ARHGAP10: variants seen among roughly 807,000 people sequenced by gnomAD.
ARHGAP10 encodes the protein rho GTPase-activating protein 10.
A neutral mutation model predicts 108.6 loss-of-function variants in ARHGAP10; 87 were observed. That is an observed-to-expected ratio of 0.80 (90% CI 0.67 to 0.96). ARHGAP10 has a LOEUF of 0.96. Among genes scored for constraint, ARHGAP10 ranks in the 40% least tolerant of loss-of-function variants. The pLI is 0.00. For synonymous variants in ARHGAP10, 347 were observed against 341.1 expected, an observed-to-expected ratio of 1.02 and a Z score of -0.19; for missense variants, 939 against 954.5, an observed-to-expected ratio of 0.98 and a Z score of 0.21.
At chr4:148,048,958 A>ATT (rs111872757) in intron 20 of ARHGAP10, among the ~76,000 whole-genome samples, 14 of 140,676 alleles carry the variant, frequency 1.0e-4, no homozygotes, top group African/African-American at 3.7e-4. Flanking sequence ...TGGAAAGGAG[A>ATT]TTTTTTTTTT....
chr4:148,023,059 A>G (rs537674894), intron 18 of ARHGAP10: 4 of 496,334 alleles, frequency 8.1e-6, no homozygotes, highest in Non-Finnish European at 1.1e-5. Flanking sequence ...TTTGATTTAA[A>G]TTTAATCAGA....
At chr4:147,945,526 T>C (rs528650291) in intron 14 of ARHGAP10, among the ~76,000 whole-genome samples, 1 of 152,344 alleles carries the variant, frequency 6.6e-6, no homozygotes, top group Admixed American at 6.5e-5. Context: ...GACTATATTA[T>C]AGTGTTAATG....
At chr4:147,775,685 A>G (rs1027475656) in intron 1 of ARHGAP10, among the ~76,000 whole-genome samples, 3 of 152,148 alleles carry the variant, frequency 2.0e-5, no homozygotes, top group South Asian at 2.1e-4. Context: ...CACTCAGCCT[A>G]TTAGTACAAA....
intron 13 of ARHGAP10, among the ~76,000 whole-genome samples, chr4:147,934,633 T>G (rs1395051089): frequency 1.3e-5 from 2 of 152,092 alleles, no homozygotes; most frequent in Non-Finnish European, 2.9e-5. Flanking sequence ...CACCAGGAGT[T>G]TGAGACCAGC....
chr4:147,741,822 A>G (rs1728685257), intron 1 of ARHGAP10, among the ~76,000 whole-genome samples: 1 of 147,106 alleles, frequency 6.8e-6, no homozygotes. Context: ...ACACACACAC[A>G]CACACACCAG....
At chr4:147,965,991 G>C (rs1739188382) in intron 17 of ARHGAP10, among the ~76,000 whole-genome samples, 1 of 152,220 alleles carries the variant, frequency 6.6e-6, no homozygotes, top group Non-Finnish European at 1.5e-5. Flanking sequence ...TGGTATCTTT[G>C]AATTGAGACC....
chr4:147,824,887 T>C (rs1579086453), intron 3 of ARHGAP10, among the ~76,000 whole-genome samples: 1 of 152,200 alleles, frequency 6.6e-6, no homozygotes, highest in South Asian at 2.1e-4. Flanking sequence ...TACCTAATGC[T>C]AAGTCACTGA....
intron 18 of ARHGAP10, among the ~76,000 whole-genome samples, chr4:148,019,775 AACAAAAC>A (rs1264378324): frequency 2.0e-5 from 3 of 151,936 alleles, no homozygotes; most frequent in African/African-American, 7.2e-5. Flanking sequence ...AAAAAAAAAA[AACAAAAC>A]AAAAAACAAA....
intron 3 of ARHGAP10, among the ~76,000 whole-genome samples, chr4:147,827,937 C>T (rs570881609): frequency 3.3e-5 from 5 of 152,164 alleles, no homozygotes; most frequent in Admixed American, 6.5e-5. Context: ...TCCTGAGTAG[C>T]GGGGACTACA....
chr4:147,799,319 C>T (rs1731481698), intron 1 of ARHGAP10, among the ~76,000 whole-genome samples: 1 of 152,216 alleles, frequency 6.6e-6, no homozygotes, highest in East Asian at 1.9e-4. Context: ...GATGGCCTCT[C>T]TTTGTTTATT....
chr4:148,070,937 C>T (rs945759806), intron 22 of ARHGAP10, among the ~76,000 whole-genome samples: 3 of 152,092 alleles, frequency 2.0e-5, no homozygotes, highest in Non-Finnish European at 4.4e-5. Flanking sequence ...TGGACCTGTG[C>T]CCTTTGCTGT....
chr4:147,752,027 A>G (rs1272771011), intron 1 of ARHGAP10, among the ~76,000 whole-genome samples: 2 of 151,796 alleles, frequency 1.3e-5, no homozygotes, highest in Non-Finnish European at 2.9e-5. Flanking sequence ...CTAGGACTAT[A>G]GGCGTGCGCC....
At chr4:147,916,382 TAAGC>T (rs1333899138) in intron 13 of ARHGAP10, 1 of 152,256 alleles carries the variant, frequency 6.6e-6, no homozygotes, top group East Asian at 1.9e-4. Context: ...GCATTTTTCT[TAAGC>T]TATCTATTCA....
chr4:147,846,966 T>A (rs1169296762), intron 3 of ARHGAP10, among the ~76,000 whole-genome samples, 185 bp from the exon 4 acceptor site: 1 of 152,190 alleles, frequency 6.6e-6, no homozygotes, highest in African/African-American at 2.4e-5. Flanking sequence ...CTGAAAATAT[T>A]TATGGAGTTC....
intron 22 of ARHGAP10, among the ~76,000 whole-genome samples, chr4:148,071,640 A>AAC (rs1474980726): frequency 5.7e-5 from 8 of 141,508 alleles, no homozygotes. Context: ...CAAACAAACA[A>AAC]AAAAAAACAC....
At chr4:147,961,198 C>G (rs1738977569) in intron 16 of ARHGAP10, among the ~76,000 whole-genome samples, 1 of 152,152 alleles carries the variant, frequency 6.6e-6, no homozygotes, top group South Asian at 2.1e-4. Context: ...GTTTCAGTTG[C>G]CTCATGTCCT....
chr4:147,902,986 A>G (rs1415731484), intron 10 of ARHGAP10, among the ~76,000 whole-genome samples: 2 of 152,144 alleles, frequency 1.3e-5, no homozygotes, highest in Non-Finnish European at 2.9e-5. Flanking sequence ...ACTCTCATGG[A>G]AGCAAAAGCA....
chr4:147,935,143 G>A (rs2126954719), intron 13 of ARHGAP10, among the ~76,000 whole-genome samples: 1 of 152,266 alleles, frequency 6.6e-6, no homozygotes, highest in East Asian at 1.9e-4. Flanking sequence ...TTATTTGTGG[G>A]TGATGGTCGA....
At chr4:147,756,880 ATTG>A (rs1461991868) in intron 1 of ARHGAP10, among the ~76,000 whole-genome samples, 1 of 150,436 alleles carries the variant, frequency 6.6e-6, no homozygotes, top group Admixed American at 6.6e-5. Context: ...AGGTTGTGTA[ATTG>A]TTTTTTTTTT....
Sources: gnomAD v4.1 joint callset for allele counts (sites outside exome capture counted in the v4.1 genomes callset) on GRCh38, gnomAD v4.1.1 for gene constraint, MANE v1.5 for transcripts, NCBI Gene and HGNC (gene_info 2026-07-23, HGNC 2026-07-21) for gene names.